The following NLK variants were observed in gnomAD, a reference collection of about 807,000 sequenced individuals.
NLK encodes the protein nemo like kinase.
In NLK, 11 loss-of-function variants were observed where a neutral mutation model predicts 59.0. That is an observed-to-expected ratio of 0.19 (90% CI 0.12 to 0.31). NLK has a LOEUF of 0.31. Ranked by LOEUF, NLK falls within the 10% of genes least tolerant of loss-of-function variation. The pLI is 1.00. For synonymous variants in NLK, 235 were observed against 235.9 expected (o/e 1.00, Z 0.03); for missense variants, 410 against 661.1 (o/e 0.62, Z 4.16).
intron 5 of NLK, among the ~76,000 whole-genome samples, chr17:28,163,958 G>A (rs920527653): frequency 6.6e-6 from 1 of 152,164 alleles, no homozygotes; most frequent in Non-Finnish European, 1.5e-5. Flanking sequence ...GCAAGCATCT[G>A]TTTATATAAG....
chr17:28,145,061 G>T (rs1225196265), intron 3 of NLK, among the ~76,000 whole-genome samples: 1 of 152,136 alleles, frequency 6.6e-6, no homozygotes, highest in Non-Finnish European at 1.5e-5. Flanking sequence ...ATATTGAATT[G>T]TATCTTTGGC....
At chr17:28,146,826 G>A (rs891720418) in intron 3 of NLK, among the ~76,000 whole-genome samples, 3 of 152,108 alleles carry the variant, frequency 2.0e-5, no homozygotes, top group Admixed American at 6.6e-5. Flanking sequence ...TGCCACGTCC[G>A]CTGCACACTA....
intron 7 of NLK, among the ~76,000 whole-genome samples, chr17:28,175,683 T>C (rs1908650656): frequency 6.6e-6 from 1 of 152,158 alleles, no homozygotes; most frequent in Admixed American, 6.5e-5. Flanking sequence ...ATTGTTACAG[T>C]GAGAAAAGAG....
At chr17:28,154,373 C>T (rs911031375) in intron 3 of NLK, among the ~76,000 whole-genome samples, 1 of 152,172 alleles carries the variant, frequency 6.6e-6, no homozygotes, top group East Asian at 1.9e-4. Context: ...TTCTGGCAGC[C>T]TGACCTATTC....
chr17:28,168,728 T>G, intron 6 of NLK, 71 bp downstream of exon 6: 2 of 1,192,978 alleles, frequency 1.7e-6, no homozygotes, highest in Admixed American at 1.8e-5. Flanking sequence ...CTTGCACATG[T>G]GTCTTGGGCT....
At chr17:28,183,009 C>T (rs763861252) in intron 7 of NLK, among the ~76,000 whole-genome samples, 1 of 152,128 alleles carries the variant, frequency 6.6e-6, no homozygotes, top group Non-Finnish European at 1.5e-5. Context: ...GAGATTATAT[C>T]CTAAAAATTC....
intron 7 of NLK, among the ~76,000 whole-genome samples, chr17:28,173,993 C>T (rs1308942749): frequency 1.3e-5 from 2 of 152,300 alleles, no homozygotes; most frequent in East Asian, 3.9e-4. Context: ...GTTAATTAAT[C>T]ATCTGTGTCA....
At chr17:28,175,373 C>T (rs903778225) in intron 7 of NLK, among the ~76,000 whole-genome samples, 1 of 151,776 alleles carries the variant, frequency 6.6e-6, no homozygotes, top group East Asian at 1.9e-4. Flanking sequence ...ATGGCATGAA[C>T]CCAGGAGGCA....
chr17:28,182,577 C>A (rs1159923730), intron 7 of NLK, among the ~76,000 whole-genome samples: 1 of 152,068 alleles, frequency 6.6e-6, no homozygotes, highest in Non-Finnish European at 1.5e-5. Context: ...GGCAGACTAC[C>A]CACAGGAAAT....
chr17:28,120,139 A>G (rs1905963070), intron 1 of NLK, among the ~76,000 whole-genome samples: 1 of 152,178 alleles, frequency 6.6e-6, no homozygotes, highest in African/African-American at 2.4e-5. Flanking sequence ...GAAAAAAAGT[A>G]CTTCTAACTA....
chr17:28,060,613 C>G (rs1416159557), intron 1 of NLK, among the ~76,000 whole-genome samples: 3 of 152,026 alleles, frequency 2.0e-5, no homozygotes. Flanking sequence ...CTTGAAGAAC[C>G]CAACAGAGAA....
rs561491958 is a variant in NLK, at chr17:28,164,807, G to A, written c.837+1179G>A. On this transcript the variant is annotated intron_variant, in intron 5 of 10. Transcript: ENST00000407008. ...TATCATTATTACTTAGGTTGCTGGC[G>A]GTTAAACTAAGTAATAAAACCAAGT... is the stretch of plus-strand genomic sequence containing the variant. 9.2e-5 allele frequency among the ~76,000 whole-genome samples: 14 copies of A among 151,968 alleles called. 1 individual carries two copies. In the South Asian group the frequency reaches 1.2e-3, roughly 14 times the overall value.
chr17:28,104,270 T>C (rs1446035907), intron 1 of NLK, among the ~76,000 whole-genome samples: 2 of 152,178 alleles, frequency 1.3e-5, no homozygotes, highest in Non-Finnish European at 1.5e-5. Flanking sequence ...TGTTTTTGTT[T>C]TTTTGAGACC....
intron 2 of NLK, among the ~76,000 whole-genome samples, chr17:28,126,400 ATTG>A (rs1056905872): frequency 1.3e-5 from 2 of 152,322 alleles, no homozygotes; most frequent in Non-Finnish European, 2.9e-5. Flanking sequence ...AAAGAGAAAA[ATTG>A]TTGTGGACTT....
intron 1 of NLK, among the ~76,000 whole-genome samples, chr17:28,086,148 C>T (rs1220091188): frequency 2.0e-5 from 3 of 152,038 alleles, no homozygotes; most frequent in Non-Finnish European, 2.9e-5. Context: ...ATAAATAAGA[C>T]ATTTACATAA....
chr17:28,144,278 T>A (rs1268521609), intron 3 of NLK, among the ~76,000 whole-genome samples: 1 of 152,102 alleles, frequency 6.6e-6, no homozygotes, highest in Non-Finnish European at 1.5e-5. Flanking sequence ...TTTAAAGCAC[T>A]GTTTAAAGTT....
intron 7 of NLK, among the ~76,000 whole-genome samples, chr17:28,180,550 C>G (rs116366726): frequency 9.8e-5 from 15 of 152,286 alleles, no homozygotes; most frequent in African/African-American, 3.4e-4. Context: ...AGTGACTTAC[C>G]TAAGTCTAGT....
At chr17:28,124,049 A>G (rs1424739579) in intron 2 of NLK, among the ~76,000 whole-genome samples, 6 of 152,210 alleles carry the variant, frequency 3.9e-5, no homozygotes, top group Admixed American at 3.9e-4. Context: ...AGTTTGAGGT[A>G]TTTGTTAAAA....
In NLK at chr17:28,043,197, A is replaced by G; in HGVS notation, c.324A>G (p.Ala108=). ...APGQAPGPAA[A]APAQVQAAAA... is the part of the protein sequence containing the mutation. ...GGCAGGCTCCTGGACCAGCTGCAGC[A>G]GCCCCAGCTCAGGTACAGGCTGCCG... The change falls in exon 1 of 11, where the codon GCA becomes GCG. Residue 108 remains alanine, a synonymous_variant. Coordinates refer to ENST00000407008, the MANE Select transcript of NLK (RefSeq NM_016231.5). 6.2e-7 allele frequency: 1 copy of G among 1,614,008 alleles called. No homozygotes were observed. Among genetic ancestry groups the G allele is most frequent in the Non-Finnish European group, 8.5e-7 (1 of 1,179,882 alleles).
Sources: gnomAD v4.1 joint callset for allele counts (sites outside exome capture counted in the v4.1 genomes callset) on GRCh38, gnomAD v4.1.1 for gene constraint, MANE v1.5 for transcripts, NCBI Gene and HGNC (gene_info 2026-07-23, HGNC 2026-07-21) for gene names.